Variants in CADM2 observed in about 807,000 individuals in gnomAD.
CADM2 encodes immunoglobulin superfamily member 4D.
Under a neutral mutation model 49.8 loss-of-function variants are expected in CADM2, and 12 were observed. That is an observed-to-expected ratio of 0.24 (90% CI 0.15 to 0.39). The LOEUF (loss-of-function observed/expected upper bound fraction) is 0.39. Ranked by LOEUF, CADM2 falls within the 10% of genes least tolerant of loss-of-function variation. CADM2 has a pLI of 1.00. For synonymous variants in CADM2, 214 were observed against 175.4 expected, an observed-to-expected ratio of 1.22 and a Z score of -1.74; for missense variants, 378 against 492.3, an observed-to-expected ratio of 0.77 and a Z score of 2.20.
At chr3:85,772,367 A>C (rs1254471305) in intron 2 of CADM2, among the ~76,000 whole-genome samples, 1 of 151,974 alleles carries the variant, frequency 6.6e-6, no homozygotes, top group Non-Finnish European at 1.5e-5. Flanking sequence ...ATCTGTTCTT[A>C]TGTGTATGTA....
chr3:85,471,137 A>G lies in CADM2; in HGVS notation c.62-255385A>G, dbSNP rs142440477. ...TTTTATGTCTGTCTTAAAATAGCCTAAAAGTGAGCATTCCAAGATGTAGGG... is the reference window on the plus strand; with the variant it reads ...TTTTATGTCTGTCTTAAAATAGCCTGAAAGTGAGCATTCCAAGATGTAGGG... On this transcript the variant is annotated intron_variant, in intron 1 of 9. Transcript: ENST00000383699. Among the ~76,000 whole-genome samples the G allele has an allele frequency of 2.0e-5, 3 of 152,244 alleles. No homozygotes were observed. In the East Asian group the frequency reaches 5.8e-4, roughly 29 times the overall value.
intron 1 of CADM2, among the ~76,000 whole-genome samples, chr3:85,602,425 G>A (rs1401834336): frequency 6.6e-6 from 1 of 151,730 alleles, no homozygotes; most frequent in Non-Finnish European, 1.5e-5. Context: ...AAAAGATTAC[G>A]ACTCTTCACC....
chr3:85,938,312 T>C (rs1210011962), intron 7 of CADM2, among the ~76,000 whole-genome samples: 3 of 151,902 alleles, frequency 2.0e-5, no homozygotes, highest in Non-Finnish European at 2.9e-5. Flanking sequence ...ATCTTACTGA[T>C]CGTAAAGAAA....
chr3:85,842,851 C>T (rs1163430096), intron 3 of CADM2, among the ~76,000 whole-genome samples: 3 of 152,018 alleles, frequency 2.0e-5, no homozygotes, highest in Non-Finnish European at 4.4e-5. Flanking sequence ...ATATTAGATT[C>T]ATAAATTAGT....
chr3:85,432,160 G>C (rs2036710948), intron 1 of CADM2, among the ~76,000 whole-genome samples: 1 of 151,804 alleles, frequency 6.6e-6, no homozygotes, highest in Non-Finnish European at 1.5e-5. Flanking sequence ...GCAAAGGAGT[G>C]AGAGATCTAG....
intron 7 of CADM2, among the ~76,000 whole-genome samples, chr3:85,952,164 A>G (rs2108589377): frequency 6.6e-6 from 1 of 151,080 alleles, no homozygotes; most frequent in African/African-American, 2.4e-5. Flanking sequence ...TAATTATTGG[A>G]CAGGAGAAAA....
intron 1 of CADM2, among the ~76,000 whole-genome samples, chr3:85,676,695 A>G (rs937916637): frequency 2.0e-5 from 3 of 152,150 alleles, no homozygotes; most frequent in Admixed American, 1.3e-4. Flanking sequence ...CATTAAAAAA[A>G]CATGCGTAAT....
At chr3:85,187,334 T>C (rs1244458557) in intron 1 of CADM2, among the ~76,000 whole-genome samples, 1 of 152,160 alleles carries the variant, frequency 6.6e-6, no homozygotes, top group South Asian at 2.1e-4. Context: ...TCTCTATACA[T>C]TGAAAGTTTA....
At chr3:85,308,360 C>A (rs2044266591) in intron 1 of CADM2, among the ~76,000 whole-genome samples, 1 of 149,064 alleles carries the variant, frequency 6.7e-6, no homozygotes, top group Admixed American at 6.7e-5. Flanking sequence ...TGTTACAAGC[C>A]TATAAATCCT....
chr3:85,035,808 T>G (rs1456624662), intron 1 of CADM2, among the ~76,000 whole-genome samples: 1 of 152,182 alleles, frequency 6.6e-6, no homozygotes, highest in Non-Finnish European at 1.5e-5. Context: ...CAGTATTTGA[T>G]CATTACTTTT....
At chr3:85,124,252 C>T (rs551898324) in intron 1 of CADM2, among the ~76,000 whole-genome samples, 14 of 152,188 alleles carry the variant, frequency 9.2e-5, no homozygotes, top group Non-Finnish European at 1.5e-4. Context: ...GAAAGATTTA[C>T]ATATACAGAT....
chr3:85,632,389 A>G lies in CADM2; in HGVS notation c.62-94133A>G, dbSNP rs376273890. ...GGTATGTCATTATCAGCAGTGTGAA[A>G]ACAGACTAAAACAACTTCTTAAATA... On this transcript the variant is annotated intron_variant, in intron 1 of 9. Transcript: ENST00000383699. Among the ~76,000 whole-genome samples the G allele has an allele frequency of 5.3e-5, 8 of 152,212 alleles. No individual in the cohort carries two copies. In the South Asian group the frequency reaches 8.3e-4, roughly 16 times the overall value.
At chr3:85,433,945 A>T (rs994400477) in intron 1 of CADM2, among the ~76,000 whole-genome samples, 9 of 152,256 alleles carry the variant, frequency 5.9e-5, no homozygotes, top group Middle Eastern at 3.4e-3. Context: ...CCCTGGGGTC[A>T]GGTTACATCC....
intron 8 of CADM2, among the ~76,000 whole-genome samples, chr3:85,973,127 C>T (rs1285011359): frequency 6.6e-6 from 1 of 151,622 alleles, no homozygotes; most frequent in African/African-American, 2.4e-5. Flanking sequence ...GTATAAGCTT[C>T]TGTTACTGAT....
At chr3:85,780,116 G>A (rs1296090467) in intron 2 of CADM2, among the ~76,000 whole-genome samples, 1 of 152,110 alleles carries the variant, frequency 6.6e-6, no homozygotes, top group Non-Finnish European at 1.5e-5. Context: ...GAGTTAAAGT[G>A]TACACTTGTT....
chr3:85,434,878 G>A (rs1007859475), intron 1 of CADM2, among the ~76,000 whole-genome samples: 3 of 152,066 alleles, frequency 2.0e-5, no homozygotes, highest in African/African-American at 7.2e-5. Context: ...CGCTTTGACT[G>A]TTGGTAATTT....
chr3:85,169,708 G>T (rs2040569245), intron 1 of CADM2, among the ~76,000 whole-genome samples: 1 of 152,142 alleles, frequency 6.6e-6, no homozygotes. Context: ...GGAGACGAAG[G>T]TTGCAGTGAG....
chr3:85,679,647 G>A (rs2065984283), intron 1 of CADM2, among the ~76,000 whole-genome samples: 1 of 152,080 alleles, frequency 6.6e-6, no homozygotes, highest in South Asian at 2.1e-4. Flanking sequence ...CAATCTTTCC[G>A]ATTGATTTGG....
chr3:85,228,716 G>A (rs186539527), intron 1 of CADM2, among the ~76,000 whole-genome samples: 40 of 152,084 alleles, frequency 2.6e-4, no homozygotes, highest in Non-Finnish European at 4.3e-4. Flanking sequence ...AGGTGCACCC[G>A]CCAGTTGCCA....
Sources: allele counts gnomAD v4.1 joint callset (sites outside exome capture counted in the v4.1 genomes callset), GRCh38; gene constraint gnomAD v4.1.1; transcripts MANE v1.5; gene names NCBI Gene and HGNC (gene_info 2026-07-23, HGNC 2026-07-21).